The following TAFA2 variants were observed in gnomAD, a reference collection of about 807,000 sequenced individuals.
The protein encoded by TAFA2 is chemokine-like protein TAFA-2.
TAFA2 carries 7 observed loss-of-function variants against 18.8 expected under a neutral mutation model. The observed-to-expected ratio is 0.37, with a 90% confidence interval of 0.21 to 0.70. The LOEUF (loss-of-function observed/expected upper bound fraction) is 0.70, where lower values mean the gene tolerates loss of function less well. TAFA2 is among the 30% of genes least tolerant of loss of function. The pLI is 0.53. For synonymous variants in TAFA2, 60 were observed against 54.2 expected, an observed-to-expected ratio of 1.11 and a Z score of -0.47; for missense variants, 122 against 158.1, an observed-to-expected ratio of 0.77 and a Z score of 1.23.
chr12:62,010,646 G>C (rs1265324479), intron 1 of TAFA2, among the ~76,000 whole-genome samples: 2 of 151,134 alleles, frequency 1.3e-5, no homozygotes, highest in Non-Finnish European at 3.0e-5. Context: ...GCCTCTGCCC[G>C]GCCGCCCTTA....
chr12:62,035,373 A>G (rs983940866), intron 1 of TAFA2, among the ~76,000 whole-genome samples: 3 of 152,192 alleles, frequency 2.0e-5, no homozygotes, highest in African/African-American at 7.2e-5. Flanking sequence ...ATAATGTCCA[A>G]GGACAGGAAT....
intron 1 of TAFA2, among the ~76,000 whole-genome samples, chr12:61,935,038 T>C (rs759309945): frequency 9.9e-5 from 15 of 152,106 alleles, no homozygotes; most frequent in Non-Finnish European, 1.9e-4. Flanking sequence ...GTACATGAAA[T>C]TACTAATTAT....
At chr12:62,094,307 T>C (rs557502846) in intron 1 of TAFA2, among the ~76,000 whole-genome samples, 8 of 151,986 alleles carry the variant, frequency 5.3e-5, no homozygotes, top group Non-Finnish European at 1.0e-4. Flanking sequence ...CTAAGAATGA[T>C]ATAATGGACT....
intron 2 of TAFA2, among the ~76,000 whole-genome samples, chr12:61,852,573 T>G (rs1365860540): frequency 1.3e-5 from 2 of 152,184 alleles, no homozygotes; most frequent in Non-Finnish European, 2.9e-5. Context: ...CTCTATCAAG[T>G]CCAAAATTAA....
At chr12:61,855,756 G>A (rs1873857638) in intron 2 of TAFA2, among the ~76,000 whole-genome samples, 1 of 151,922 alleles carries the variant, frequency 6.6e-6, no homozygotes, top group South Asian at 2.1e-4. Context: ...TACAGAAATG[G>A]CTTATCATTG....
chr12:62,077,043 A>C (rs1354481674), intron 1 of TAFA2, among the ~76,000 whole-genome samples: 1 of 152,222 alleles, frequency 6.6e-6, no homozygotes, highest in Non-Finnish European at 1.5e-5. Context: ...TATAAATGAA[A>C]ATATTGCAAA....
chr12:61,984,504 C>G (rs1879750125), intron 1 of TAFA2, among the ~76,000 whole-genome samples: 1 of 152,164 alleles, frequency 6.6e-6, no homozygotes, highest in Non-Finnish European at 1.5e-5. Context: ...TTGCCTTTTT[C>G]CATCACATAT....
intron 1 of TAFA2, among the ~76,000 whole-genome samples, chr12:62,038,247 CTT>C (rs900761300): frequency 1.3e-5 from 2 of 152,040 alleles, no homozygotes; most frequent in African/African-American, 4.8e-5. Context: ...TTTAGATCCT[CTT>C]AACACAAAAA....
At chr12:61,984,282 A>T (rs1168830503) in intron 1 of TAFA2, among the ~76,000 whole-genome samples, 2 of 152,252 alleles carry the variant, frequency 1.3e-5, no homozygotes, top group African/African-American at 4.8e-5. Flanking sequence ...ATCCAATAAC[A>T]AGAGAGCCCA....
chr12:62,174,913 T>G (rs1203133231), intron 1 of TAFA2, among the ~76,000 whole-genome samples: 1 of 152,216 alleles, frequency 6.6e-6, no homozygotes, highest in African/African-American at 2.4e-5. Flanking sequence ...TGTCAATACA[T>G]ACAGATATAT....
chr12:61,838,101 T>C (rs1873011792), intron 2 of TAFA2, among the ~76,000 whole-genome samples: 1 of 151,970 alleles, frequency 6.6e-6, no homozygotes, highest in African/African-American at 2.4e-5. Context: ...GCCTTTCTGG[T>C]GGTAGAACAG....
intron 1 of TAFA2, among the ~76,000 whole-genome samples, chr12:62,178,190 T>A (rs539524542): frequency 6.6e-6 from 1 of 151,942 alleles, no homozygotes. Context: ...GTCCTAACTT[T>A]TTGGAAGGCT....
chr12:61,710,317 A>G lies in TAFA2; in HGVS notation c.*89T>C, dbSNP rs1869335169. ...GAGCGCCTCTTTCAAGTGGTATAAA[A>G]ATCTTCAAGATCACCTCAGGAGTTG... On this transcript the variant is annotated 3_prime_UTR_variant, in exon 5 of 5. Transcript: ENST00000416284. 7 of 1,254,800 alleles carry G rather than the reference A, an allele frequency of 5.6e-6. No homozygotes were observed. In the South Asian group the frequency reaches 8.5e-5, roughly 15 times the overall value. 77.7% of individuals were successfully genotyped at this position (1,254,800 alleles called of 1,614,324 possible).
intron 1 of TAFA2, among the ~76,000 whole-genome samples, chr12:62,187,549 G>T (rs2062594956): frequency 6.6e-6 from 1 of 152,122 alleles, no homozygotes. Flanking sequence ...AGATTATATT[G>T]TTAGGTACTA....
intron 1 of TAFA2, among the ~76,000 whole-genome samples, chr12:62,137,179 G>C (rs993078755): frequency 1.3e-5 from 2 of 152,088 alleles, no homozygotes; most frequent in African/African-American, 4.8e-5. Flanking sequence ...GAAATGTCCT[G>C]CACCGATTCT....
At chr12:62,229,458 C>T (rs1405931564) in intron 1 of TAFA2, among the ~76,000 whole-genome samples, 1 of 152,008 alleles carries the variant, frequency 6.6e-6, no homozygotes, top group African/African-American at 2.4e-5. Flanking sequence ...ACTTTTTCAT[C>T]ATCTAATGAA....
intron 1 of TAFA2, among the ~76,000 whole-genome samples, chr12:62,226,375 T>G (rs1275110889): frequency 6.6e-6 from 1 of 152,066 alleles, no homozygotes; most frequent in Non-Finnish European, 1.5e-5. Flanking sequence ...GTTTTTGTAT[T>G]TTTAGTAGAG....
In TAFA2 at chr12:61,929,079, G is replaced by A. The variant is rs182312613; in HGVS notation, c.-1-61653C>T. On this transcript the variant is annotated intron_variant, in intron 1 of 4. Coordinates refer to ENST00000416284, the MANE Select transcript of TAFA2 (RefSeq NM_178539.5). ...TGTAAATAATGGGTTGATGGGTGCC[G>A]CAAACCACTACAGCACATGTATACC... Among the ~76,000 whole-genome samples the A allele has an allele frequency of 2.3e-3, 345 of 151,280 alleles. 4 individuals are homozygous for A. The highest frequency in any genetic ancestry group is 7.9e-3 in the African/African-American group (327 of 41,148).
intron 2 of TAFA2, among the ~76,000 whole-genome samples, chr12:61,854,605 T>G (rs1341752282): frequency 2.6e-5 from 4 of 151,732 alleles, no homozygotes; most frequent in Non-Finnish European, 5.9e-5. Context: ...AAGGTCACAA[T>G]CAAAGGATAA....
Sources: gnomAD v4.1 joint callset for allele counts (sites outside exome capture counted in the v4.1 genomes callset) on GRCh38, gnomAD v4.1.1 for gene constraint, MANE v1.5 for transcripts, NCBI Gene and HGNC (gene_info 2026-07-23, HGNC 2026-07-21) for gene names.